RABGAP1L: variants seen among roughly 807,000 people sequenced by gnomAD.
RABGAP1L encodes the protein rab GTPase-activating protein 1-like.
A neutral mutation model predicts 137.7 loss-of-function variants in RABGAP1L; 63 were observed. The ratio of observed to expected loss-of-function variants is 0.46; its 90% CI spans 0.37 to 0.56. The LOEUF (loss-of-function observed/expected upper bound fraction) is 0.56, where lower values mean the gene tolerates loss of function less well. RABGAP1L is among the 20% of genes least tolerant of loss of function. The pLI, the probability that RABGAP1L is intolerant of heterozygous loss-of-function variation, is 0.00. For missense variants in RABGAP1L, 1,095 were observed against 1,244.0 expected (o/e 0.88, Z 1.80); for synonymous variants, 431 against 433.7 (o/e 0.99, Z 0.08).
chr1:174,328,052 A>C (rs1372162416), intron 11 of RABGAP1L, among the ~76,000 whole-genome samples: 2 of 144,420 alleles, frequency 1.4e-5, no homozygotes, highest in Non-Finnish European at 3.0e-5. Flanking sequence ...TTAAATATAT[A>C]AAGCAAACAT....
intron 13 of RABGAP1L, among the ~76,000 whole-genome samples, chr1:174,417,418 A>C (rs868421223): frequency 6.6e-6 from 1 of 152,202 alleles, no homozygotes; most frequent in Non-Finnish European, 1.5e-5. Context: ...CAATCTTGCG[A>C]ATGTTGGGGG....
chr1:174,386,995 T>G (rs1571562088), intron 12 of RABGAP1L, among the ~76,000 whole-genome samples: 1 of 152,130 alleles, frequency 6.6e-6, no homozygotes, highest in East Asian at 1.9e-4. Context: ...CAAATAGAGA[T>G]CTCCACTCAG....
chr1:174,598,704 C>G (rs1036849275), intron 13 of RABGAP1L, among the ~76,000 whole-genome samples: 5 of 152,006 alleles, frequency 3.3e-5, no homozygotes, highest in South Asian at 2.1e-4. Context: ...TCTATTTTAT[C>G]TGATATAAGT....
intron 13 of RABGAP1L, among the ~76,000 whole-genome samples, chr1:174,620,754 A>C (rs1016745403): frequency 6.6e-6 from 1 of 152,218 alleles, no homozygotes; most frequent in South Asian, 2.1e-4. Flanking sequence ...CACATTCAAA[A>C]GCTAGCGGAA....
intron 13 of RABGAP1L, among the ~76,000 whole-genome samples, chr1:174,452,923 A>G (rs2149261845): frequency 6.6e-6 from 1 of 152,218 alleles, no homozygotes; most frequent in Middle Eastern, 3.4e-3. Flanking sequence ...CTTAAAGGTC[A>G]CTAATCCCAA....
At position 174,940,041 on chromosome 1, in the gene RABGAP1L, A is replaced by C. The variant is rs576647249; in HGVS notation, c.2341-17416A>C. 2.0e-5 allele frequency among the ~76,000 whole-genome samples: 3 copies of C among 152,224 alleles called. No individual in the cohort carries two copies. In the East Asian group the frequency reaches 5.8e-4, roughly 29 times the overall value. ...TAAGGCAGAATTTTTTCCTTAAGGC[A>C]TCCCAATGGAGTTTGGAAAATTCAT... On this transcript the variant is annotated intron_variant, in intron 19 of 25. Transcript: ENST00000681986.
intron 10 of RABGAP1L, among the ~76,000 whole-genome samples, chr1:174,303,250 G>C (rs940553185): frequency 2.0e-5 from 3 of 151,498 alleles, no homozygotes; most frequent in African/African-American, 7.3e-5. Context: ...TCTCAATTCA[G>C]CTTTGCATCA....
At chr1:174,244,211 C>G (rs1672064375) in intron 5 of RABGAP1L, 1 of 152,190 alleles carries the variant, frequency 6.6e-6, no homozygotes, top group African/African-American at 2.4e-5. Context: ...GCAGATAGTT[C>G]AGGAACCAGC....
intron 17 of RABGAP1L, among the ~76,000 whole-genome samples, chr1:174,726,832 T>G (rs970915526): frequency 3.9e-5 from 6 of 152,190 alleles, no homozygotes; most frequent in African/African-American, 1.4e-4. Flanking sequence ...CGTTTGAAAC[T>G]TTGTGGCCTG....
At chr1:174,280,163 G>A (rs958575928) in intron 10 of RABGAP1L, among the ~76,000 whole-genome samples, 3 of 151,532 alleles carry the variant, frequency 2.0e-5, no homozygotes, top group Admixed American at 1.3e-4. Context: ...CTTACCTTAA[G>A]CCAGAATATG....
intron 19 of RABGAP1L, among the ~76,000 whole-genome samples, chr1:174,879,397 C>CTTT (rs34724195): frequency 1.3e-5 from 2 of 150,218 alleles, no homozygotes; most frequent in South Asian, 4.2e-4. Flanking sequence ...GGTGCACAGC[C>CTTT]TTTTTTTTTG....
At chr1:174,403,754 C>T (rs1571638772) in intron 13 of RABGAP1L, among the ~76,000 whole-genome samples, 1 of 150,176 alleles carries the variant, frequency 6.7e-6, no homozygotes, top group Admixed American at 6.6e-5. Context: ...TGTATAATAG[C>T]TGATTATACT....
chr1:174,667,709 G>A (rs566065423), intron 14 of RABGAP1L, among the ~76,000 whole-genome samples: 2 of 152,128 alleles, frequency 1.3e-5, no homozygotes, highest in Non-Finnish European at 2.9e-5. Flanking sequence ...TGTCTGTGAT[G>A]CCTTCCTTGC....
At chr1:174,297,335 T>C (rs1429804475) in intron 10 of RABGAP1L, among the ~76,000 whole-genome samples, 1 of 152,036 alleles carries the variant, frequency 6.6e-6, no homozygotes, top group African/African-American at 2.4e-5. Context: ...CAGGATTTTA[T>C]TGGGTGAAAA....
chr1:174,621,483 A>G (rs898782352), intron 13 of RABGAP1L, among the ~76,000 whole-genome samples: 1 of 152,240 alleles, frequency 6.6e-6, no homozygotes, highest in Non-Finnish European at 1.5e-5. Context: ...CCAAAACAGC[A>G]TGGTACTGGT....
intron 14 of RABGAP1L, among the ~76,000 whole-genome samples, chr1:174,651,893 T>G (rs576850258): frequency 3.3e-5 from 5 of 152,294 alleles, no homozygotes; most frequent in African/African-American, 7.2e-5. Context: ...GTTAGGTGGT[T>G]ATTTTGCTCG....
At chr1:174,632,201 T>TA (rs1673456631) in intron 13 of RABGAP1L, among the ~76,000 whole-genome samples, 2 of 134,728 alleles carry the variant, frequency 1.5e-5, no homozygotes, top group East Asian at 4.2e-4. Context: ...TTCTTTTCTT[T>TA]AAGAATGTTG....
At chr1:174,678,585 G>T (rs761792564) in intron 14 of RABGAP1L, among the ~76,000 whole-genome samples, 1 of 152,084 alleles carries the variant, frequency 6.6e-6, no homozygotes, top group African/African-American at 2.4e-5. Context: ...CACATTAACC[G>T]AATAAAGAGA....
chr1:174,385,325 G>A (rs912865362), intron 12 of RABGAP1L, among the ~76,000 whole-genome samples: 5 of 152,190 alleles, frequency 3.3e-5, no homozygotes, highest in African/African-American at 1.2e-4. Flanking sequence ...GCTACTAGAA[G>A]ACTTGCTGTT....
Sources: gnomAD v4.1 joint callset for allele counts (sites outside exome capture counted in the v4.1 genomes callset) on GRCh38, gnomAD v4.1.1 for gene constraint, MANE v1.5 for transcripts, NCBI Gene and HGNC (gene_info 2026-07-23, HGNC 2026-07-21) for gene names.